Variants in MYO3A observed in about 807,000 individuals in gnomAD.
The protein encoded by MYO3A is myosin-IIIa.
A neutral mutation model predicts 192.7 loss-of-function variants in MYO3A; 180 were observed. The observed-to-expected ratio is 0.93, with a 90% CI of 0.83 to 1.06. The LOEUF is 1.06. Among genes scored for constraint, MYO3A ranks in the 50% least tolerant of loss-of-function variants. The probability of loss-of-function intolerance (pLI) is 0.00; values close to 1 mark genes in which losing one functional copy is unlikely to be tolerated. For synonymous variants in MYO3A, 628 were observed against 645.3 expected (o/e 0.97, Z 0.41); for missense variants, 1,896 against 1,905.0 (o/e 1.00, Z 0.09).
chr10:26,057,736 A>G (rs1307794513), intron 10 of MYO3A, among the ~76,000 whole-genome samples: 1 of 152,210 alleles, frequency 6.6e-6, no homozygotes, highest in Non-Finnish European at 1.5e-5. Context: ...AATTGGATCT[A>G]TTAGTCAGTG....
chr10:26,070,082 C>T (rs1421603917), intron 12 of MYO3A, 29 bp from the exon 13 acceptor site: 2 of 1,512,788 alleles, frequency 1.3e-6, no homozygotes, highest in Non-Finnish European at 1.8e-6. Flanking sequence ...ACAAAAAGCC[C>T]TACAAAATGT....
intron 3 of MYO3A, among the ~76,000 whole-genome samples, chr10:25,954,455 C>T (rs746675649): frequency 4.6e-5 from 7 of 151,906 alleles, no homozygotes; most frequent in African/African-American, 1.7e-4. Flanking sequence ...TTTTGGATAG[C>T]TTCTAAATAT....
At position 25,952,085 on chromosome 10, in the gene MYO3A, T is replaced by C. The variant is rs1480066947; in HGVS notation, c.-17-9T>C. On this transcript the variant is annotated splice_polypyrimidine_tract_variant and intron_variant, in intron 2 of 34. Coordinates refer to ENST00000642920, the MANE Select transcript of MYO3A (RefSeq NM_017433.5). The stretch of plus-strand genomic sequence containing the variant: ...CAACTGTAGATGAAACTGTACTTCT[T>C]ATCTCCAGGTTTTTAAACCTTTGAG... The C allele has an allele frequency of 1.3e-6, 2 of 1,589,596 alleles. No individual in the cohort carries two copies. Among genetic ancestry groups the C allele is most frequent in the African/African-American group, 2.7e-5 (2 of 74,308 alleles).
rs118114916 is a variant in MYO3A, at chr10:26,130,528, G to A, written c.2262+1990G>A. Among the ~76,000 whole-genome samples, 95 of 152,296 alleles carry A rather than the reference G, an allele frequency of 6.2e-4. 4 individuals carry two copies. In the East Asian group the frequency reaches 0.018, roughly 29 times the overall value. On this transcript the variant is annotated intron_variant, in intron 20 of 34. Transcript: ENST00000642920. ...ATAAAGCCCTTTAAGATACCCTTGAGAGGATTTTGAAATAAAACAACTCAA... is the reference window on the plus strand; with the variant it reads ...ATAAAGCCCTTTAAGATACCCTTGAAAGGATTTTGAAATAAAACAACTCAA...
chr10:26,135,781 C>T (rs1826435712), intron 20 of MYO3A, among the ~76,000 whole-genome samples: 1 of 151,946 alleles, frequency 6.6e-6, no homozygotes, highest in South Asian at 2.1e-4. Context: ...GCCTGGCCAA[C>T]ATGGCGACAC....
At chr10:26,148,271 C>T (rs1840593380) in intron 23 of MYO3A, among the ~76,000 whole-genome samples, 1 of 152,094 alleles carries the variant, frequency 6.6e-6, no homozygotes, top group East Asian at 1.9e-4. Flanking sequence ...ATTGTTCTTT[C>T]CCCATTGAAT....
chr10:25,997,165 C>T lies in MYO3A; in HGVS notation c.415C>T (p.Gln139Ter). The T allele has an allele frequency of 6.2e-7, 1 of 1,612,256 alleles. No individual in the cohort carries two copies. The highest frequency in any genetic ancestry group is 8.5e-7 in the Non-Finnish European group (1 of 1,178,606). The stretch of plus-strand genomic sequence containing the variant: ...TATATTTCTTATCTTCTAGGGACTT[C>T]AACATTTGCATAACAACAAAACTAT... The part of the protein sequence containing the change: ...YILHEALMGL[Q>*]HLHNNKTIHR... The change falls in exon 6 of 35, where the codon CAA becomes TAA. Residue 139 changes from glutamine to a stop codon, truncating the protein, a stop_gained. Transcript: ENST00000642920. LOFTEE classifies it high-confidence loss of function.
intron 14 of MYO3A, among the ~76,000 whole-genome samples, chr10:26,081,136 C>CCCCCCCTT (rs1835914711): frequency 9.4e-6 from 1 of 106,632 alleles, no homozygotes; most frequent in African/African-American, 3.1e-5. Context: ...ATGCCCTTCC[C>CCCCCCCTT]CCCCCCCCCG....
At chr10:26,069,649 T>C (rs1020738633) in intron 12 of MYO3A, among the ~76,000 whole-genome samples, 1 of 152,056 alleles carries the variant, frequency 6.6e-6, no homozygotes, top group Non-Finnish European at 1.5e-5. Context: ...GCAATCTTGC[T>C]ATCAATTCAC....
At chr10:26,004,449 A>G (rs1437366933) in intron 6 of MYO3A, among the ~76,000 whole-genome samples, 1 of 151,246 alleles carries the variant, frequency 6.6e-6, no homozygotes, top group Admixed American at 6.6e-5. Flanking sequence ...ATTAATATAT[A>G]TAAACATATA....
chr10:26,126,462 C>G (rs1564574577), intron 19 of MYO3A, among the ~76,000 whole-genome samples: 1 of 152,156 alleles, frequency 6.6e-6, no homozygotes, highest in Admixed American at 6.6e-5. Flanking sequence ...GTCAAACTGT[C>G]TAAGACCTTA....
chr10:26,047,478 A>G (rs1843697672), intron 10 of MYO3A, among the ~76,000 whole-genome samples: 1 of 152,200 alleles, frequency 6.6e-6, no homozygotes, highest in Non-Finnish European at 1.5e-5. Context: ...TGTCATAAGA[A>G]AAGACACATT....
intron 23 of MYO3A, among the ~76,000 whole-genome samples, chr10:26,152,789 C>T (rs1840872510): frequency 6.6e-6 from 1 of 152,132 alleles, no homozygotes; most frequent in African/African-American, 2.4e-5. Context: ...GGGCAGTGTG[C>T]AGGGCAAGCC....
chr10:26,058,448 G>A (rs531051815), intron 10 of MYO3A, among the ~76,000 whole-genome samples: 1 of 152,196 alleles, frequency 6.6e-6, no homozygotes, highest in South Asian at 2.1e-4. Flanking sequence ...TATAAATATC[G>A]ATGTACAGGT....
At chr10:26,157,197 G>A in intron 25 of MYO3A, 113 bp from the exon 26 acceptor site, 1 of 919,206 alleles carries the variant, frequency 1.1e-6, no homozygotes, top group Non-Finnish European at 1.7e-6. Flanking sequence ...ACTAATGGGA[G>A]CATTTATAAC....
intron 4 of MYO3A, among the ~76,000 whole-genome samples, chr10:25,980,060 C>A (rs575486097): frequency 5.4e-4 from 82 of 152,122 alleles, no homozygotes; most frequent in African/African-American, 1.8e-3. Flanking sequence ...CACGGTGAAA[C>A]CCCTTCTGTA....
chr10:26,008,362 C>T (rs1841379361), intron 6 of MYO3A, among the ~76,000 whole-genome samples: 1 of 148,532 alleles, frequency 6.7e-6, no homozygotes, highest in Admixed American at 6.6e-5. Context: ...GCAATGGCAA[C>T]AAAAGCCAAA....
intron 2 of MYO3A, among the ~76,000 whole-genome samples, chr10:25,948,370 TAATA>T (rs1199685504): frequency 2.0e-5 from 3 of 152,164 alleles, no homozygotes; most frequent in African/African-American, 4.8e-5. Flanking sequence ...GCTCAATATA[TAATA>T]AATCTATTCA....
At chr10:25,996,342 T>C (rs1840438362) in intron 4 of MYO3A, 148 bp from the exon 5 acceptor site, 1 of 655,962 alleles carries the variant, frequency 1.5e-6, no homozygotes, top group African/African-American at 1.8e-5. Flanking sequence ...TATATATTCA[T>C]TTTATTTATG....
Sources: allele counts gnomAD v4.1 joint callset (sites outside exome capture counted in the v4.1 genomes callset), GRCh38; gene constraint gnomAD v4.1.1; transcripts MANE v1.5; gene names NCBI Gene and HGNC (gene_info 2026-07-23, HGNC 2026-07-21).